GRID1: variants seen among roughly 807,000 people sequenced by gnomAD.
GRID1 encodes glutamate ionotropic receptor delta type subunit 1.
GRID1 carries 28 observed loss-of-function variants against 98.0 expected under a neutral mutation model. The ratio of observed to expected loss-of-function variants is 0.29; its 90% CI spans 0.21 to 0.39. The LOEUF (loss-of-function observed/expected upper bound fraction) is 0.39. Among genes scored for constraint, GRID1 ranks in the 10% least tolerant of loss-of-function variants. The pLI, the probability that GRID1 is intolerant of heterozygous loss-of-function variation, is 1.00. For synonymous variants in GRID1, 553 were observed against 538.5 expected (o/e 1.03, Z -0.37); for missense variants, 1,111 against 1,340.5 (o/e 0.83, Z 2.67).
intron 4 of GRID1, among the ~76,000 whole-genome samples, chr10:86,130,828 G>C (rs951292833): frequency 1.3e-5 from 2 of 152,200 alleles, no homozygotes; most frequent in African/African-American, 4.8e-5. Context: ...AAAGAGCACT[G>C]TAACATGCCC....
chr10:85,944,753 T>C (rs1035322330), intron 4 of GRID1, among the ~76,000 whole-genome samples: 4 of 152,028 alleles, frequency 2.6e-5, no homozygotes, highest in African/African-American at 9.7e-5. Context: ...GGTCACTAGA[T>C]AAATACTAAA....
chr10:86,272,699 T>C (rs565650826), intron 2 of GRID1, among the ~76,000 whole-genome samples: 45 of 152,258 alleles, frequency 3.0e-4, no homozygotes, highest in African/African-American at 9.6e-4. Flanking sequence ...AAAGACACAG[T>C]TGAGACATAC....
chr10:86,048,289 C>T (rs1843453173), intron 4 of GRID1, among the ~76,000 whole-genome samples: 1 of 152,070 alleles, frequency 6.6e-6, no homozygotes, highest in Non-Finnish European at 1.5e-5. Context: ...TAGAGGATCA[C>T]TTGAGTGCCC....
chr10:85,922,360 C>A (rs964368567), intron 4 of GRID1, among the ~76,000 whole-genome samples: 1 of 152,160 alleles, frequency 6.6e-6, no homozygotes, highest in Admixed American at 6.5e-5. Flanking sequence ...GTGGAAAAAA[C>A]CTCCACATGG....
chr10:85,791,333 G>A (rs1298138675), intron 8 of GRID1, among the ~76,000 whole-genome samples: 1 of 152,220 alleles, frequency 6.6e-6, no homozygotes, highest in Non-Finnish European at 1.5e-5. Context: ...AACCCTGACT[G>A]GCGCAATGCA....
intron 4 of GRID1, among the ~76,000 whole-genome samples, chr10:85,936,525 A>AAG (rs1554841108): frequency 6.6e-6 from 1 of 151,902 alleles, no homozygotes; most frequent in Non-Finnish European, 1.5e-5. Context: ...AACTAAAAAA[A>AAG]AAAAAGAAAA....
Position 86,140,738 on chromosome 10 carries a change from C to T in GRID1, c.521-1714G>A, listed in dbSNP as rs945651672. 2.6e-5 allele frequency among the ~76,000 whole-genome samples: 4 copies of T among 152,234 alleles called. 1 individual carries two copies. Among genetic ancestry groups the T allele is most frequent in the Admixed American group, 1.3e-4 (2 of 15,286 alleles). ...GTCTCTGAAGCCCTCAGGCAAATCA[C>T]TATCCCTTTTGAGCCTGAGGGGCTG... On this transcript the variant is annotated intron_variant, in intron 3 of 15. Transcript: ENST00000327946.
intron 12 of GRID1, among the ~76,000 whole-genome samples, chr10:85,651,703 C>T (rs1363548549): frequency 6.6e-6 from 1 of 152,168 alleles, no homozygotes; most frequent in Non-Finnish European, 1.5e-5. Flanking sequence ...AGGCAAGGAA[C>T]TGCTCAGGAA....
chr10:85,858,699 T>C (rs1843137137), intron 6 of GRID1, among the ~76,000 whole-genome samples: 1 of 152,208 alleles, frequency 6.6e-6, no homozygotes, highest in Non-Finnish European at 1.5e-5. Flanking sequence ...AAGATTTCTC[T>C]TCTCAAGACA....
intron 8 of GRID1, among the ~76,000 whole-genome samples, chr10:85,750,705 A>G (rs1246215891): frequency 6.6e-6 from 1 of 152,194 alleles, no homozygotes; most frequent in Non-Finnish European, 1.5e-5. Context: ...TAACAAATAT[A>G]TCTCTTGATC....
chr10:86,178,290 C>A (rs1845606149), intron 3 of GRID1, among the ~76,000 whole-genome samples: 1 of 152,112 alleles, frequency 6.6e-6, no homozygotes, highest in Non-Finnish European at 1.5e-5. Context: ...TTATATCCAT[C>A]GTGCCCTTCT....
intron 8 of GRID1, among the ~76,000 whole-genome samples, chr10:85,767,368 T>C (rs1842208316): frequency 6.6e-6 from 1 of 151,256 alleles, no homozygotes; most frequent in East Asian, 1.9e-4. Context: ...TTCCACCAGT[T>C]ATTTTTTTCT....
intron 8 of GRID1, among the ~76,000 whole-genome samples, chr10:85,840,146 A>G (rs961504069): frequency 6.6e-6 from 1 of 152,046 alleles, no homozygotes; most frequent in Non-Finnish European, 1.5e-5. Context: ...AAGACCAGAG[A>G]GATTCACAGC....
intron 2 of GRID1, among the ~76,000 whole-genome samples, chr10:86,354,341 G>A (rs569701308): frequency 1.2e-3 from 178 of 152,342 alleles, no homozygotes; most frequent in African/African-American, 3.7e-3. Context: ...GTGTACCTTG[G>A]CAGGGTCCCA....
chr10:85,692,798 C>T (rs1344167475), intron 12 of GRID1, among the ~76,000 whole-genome samples: 2 of 151,968 alleles, frequency 1.3e-5, no homozygotes, highest in Non-Finnish European at 2.9e-5. Flanking sequence ...ATAAACAAAA[C>T]TGAATCCTGA....
In GRID1 at chr10:85,613,282, ACTGCTGCCTC is replaced by A; in HGVS notation, c.2601+115_2601+124del. ...ATAACAAAATCCCCCAATATAAAAC[ACTGCTGCCTC>A]CAGACAAGATGACTCAGGTAAATAC... is the stretch of plus-strand genomic sequence containing the variant. On this transcript the variant is annotated intron_variant, in intron 15 of 15. Coordinates refer to ENST00000327946, the MANE Select transcript of GRID1 (RefSeq NM_017551.3). 3 of 917,252 alleles carry A rather than the reference ACTGCTGCCTC, an allele frequency of 3.3e-6. No individual in the cohort carries two copies. In the South Asian group the frequency reaches 5.3e-5, roughly 16 times the overall value. 56.8% of individuals were successfully genotyped at this position (917,252 alleles called of 1,614,324 possible).
At chr10:85,617,580 GT>G (rs1218458152) in intron 14 of GRID1, among the ~76,000 whole-genome samples, 1 of 152,144 alleles carries the variant, frequency 6.6e-6, no homozygotes, top group Non-Finnish European at 1.5e-5. Context: ...AGGTCTGAGT[GT>G]CCCCACTCAA....
chr10:85,614,021 G>T (rs957311089), intron 14 of GRID1, among the ~76,000 whole-genome samples: 2 of 152,206 alleles, frequency 1.3e-5, no homozygotes, highest in Non-Finnish European at 2.9e-5. Context: ...GTGGATTTAG[G>T]ATATTCCTGA....
intron 5 of GRID1, among the ~76,000 whole-genome samples, chr10:85,875,910 C>T (rs544644919): frequency 7.0e-4 from 106 of 152,300 alleles, no homozygotes; most frequent in Middle Eastern, 3.4e-3. Flanking sequence ...GACCTTATAT[C>T]TGGGGTCATC....
Sources: gnomAD v4.1 joint callset for allele counts (sites outside exome capture counted in the v4.1 genomes callset) on GRCh38, gnomAD v4.1.1 for gene constraint, MANE v1.5 for transcripts, NCBI Gene and HGNC (gene_info 2026-07-23, HGNC 2026-07-21) for gene names.